TNNI3K: variants seen among roughly 807,000 people sequenced by gnomAD.
The protein encoded by TNNI3K is serine/threonine-protein kinase TNNI3K.
In TNNI3K, 140 loss-of-function variants were observed where a neutral mutation model predicts 114.5. That is an observed-to-expected ratio of 1.22 (90% CI 1.07 to 1.41). The LOEUF (loss-of-function observed/expected upper bound fraction) is 1.41. Among genes scored for constraint, TNNI3K ranks in the 40% most tolerant of loss-of-function variants. The pLI, the probability that TNNI3K is intolerant of heterozygous loss-of-function variation, is 0.00. For synonymous variants in TNNI3K, 347 were observed against 347.5 expected, an observed-to-expected ratio of 1.00 and a Z score of 0.02; for missense variants, 1,125 against 1,007.6, an observed-to-expected ratio of 1.12 and a Z score of -1.58.
intron 7 of TNNI3K, among the ~76,000 whole-genome samples, chr1:74,340,648 G>T (rs573310488): frequency 6.6e-6 from 1 of 152,180 alleles, no homozygotes; most frequent in Non-Finnish European, 1.5e-5. Flanking sequence ...GGGATACTGG[G>T]TGGGGCCAAG....
intron 23 of TNNI3K, among the ~76,000 whole-genome samples, chr1:74,496,093 CCAT>C (rs1331072868): frequency 1.3e-5 from 2 of 152,148 alleles, no homozygotes; most frequent in Admixed American, 1.3e-4. Flanking sequence ...AAACCAAAAC[CCAT>C]GGGGTTGGCA....
intron 5 of TNNI3K, among the ~76,000 whole-genome samples, chr1:74,301,087 C>G (rs1393421666): frequency 6.6e-6 from 1 of 152,020 alleles, no homozygotes; most frequent in East Asian, 1.9e-4. Flanking sequence ...ACACATATTT[C>G]TCTCTTATAT....
intron 21 of TNNI3K, among the ~76,000 whole-genome samples, chr1:74,483,913 T>C (rs1188304128): frequency 1.3e-5 from 2 of 152,220 alleles, no homozygotes; most frequent in African/African-American, 4.8e-5. Context: ...GTGAGTATGA[T>C]GTCAAGATTA....
At chr1:74,448,260 T>TAAAAAAAAAA (rs71588834) in intron 20 of TNNI3K, among the ~76,000 whole-genome samples, 12 of 89,100 alleles carry the variant, frequency 1.3e-4, no homozygotes, top group African/African-American at 2.0e-4. Context: ...TAGAGTATAA[T>TAAAAAAAAAA]AAAAAAAAAA....
chr1:74,260,979 G>A (rs1179188301), intron 4 of TNNI3K, among the ~76,000 whole-genome samples: 1 of 151,886 alleles, frequency 6.6e-6, no homozygotes, highest in South Asian at 2.1e-4. Flanking sequence ...ATTTCAAATA[G>A]CCTTTTTGAT....
chr1:74,396,702 C>T (rs1167265115), intron 17 of TNNI3K, among the ~76,000 whole-genome samples: 1 of 152,110 alleles, frequency 6.6e-6, no homozygotes, highest in African/African-American at 2.4e-5. Context: ...AATACAAGTC[C>T]TTAGGGAGCT....
chr1:74,489,989 C>A (rs1473963069), intron 22 of TNNI3K, among the ~76,000 whole-genome samples: 1 of 140,338 alleles, frequency 7.1e-6, no homozygotes, highest in Admixed American at 7.8e-5. Flanking sequence ...ATAGCATCAA[C>A]CTGAGATTGC....
intron 11 of TNNI3K, among the ~76,000 whole-genome samples, chr1:74,355,178 A>G (rs2091459): frequency 1 from 151,933 of 152,342 alleles, 75,764 homozygotes; most frequent in Middle Eastern, 1. Flanking sequence ...GTCTTTTTAC[A>G]ATATTAAAAA....
intron 23 of TNNI3K, among the ~76,000 whole-genome samples, chr1:74,505,720 C>G (rs1262243822): frequency 1.3e-5 from 2 of 152,086 alleles, no homozygotes; most frequent in African/African-American, 4.8e-5. Flanking sequence ...CTCCTTGGAA[C>G]CTATGAGATG....
chr1:74,401,872 T>C (rs1404980438), intron 17 of TNNI3K: 2 of 454,800 alleles, frequency 4.4e-6, no homozygotes, highest in Non-Finnish European at 8.8e-6. Context: ...GGATCACCCA[T>C]AGTATTTGCA....
At chr1:74,320,230 T>C (rs1438945269) in intron 5 of TNNI3K, among the ~76,000 whole-genome samples, 1 of 152,188 alleles carries the variant, frequency 6.6e-6, no homozygotes, top group Non-Finnish European at 1.5e-5. Context: ...TCCTTCCCAA[T>C]AATAGGTTTC....
At chr1:74,353,429 G>C (rs1661488388) in intron 10 of TNNI3K, 69 bp downstream of exon 10, 4 of 1,551,336 alleles carry the variant, frequency 2.6e-6, no homozygotes, top group African/African-American at 1.4e-5. Context: ...GGTATGCAAA[G>C]GGATGTGGGG....
At chr1:74,375,518 A>G (rs1342724773) in intron 17 of TNNI3K, 1 of 452,442 alleles carries the variant, frequency 2.2e-6, no homozygotes, top group Non-Finnish European at 4.4e-6. Flanking sequence ...TTCTGGGGAT[A>G]AATCACTATT....
chr1:74,286,130 T>C (rs1226755056), intron 5 of TNNI3K, among the ~76,000 whole-genome samples: 1 of 152,170 alleles, frequency 6.6e-6, no homozygotes, highest in Non-Finnish European at 1.5e-5. Flanking sequence ...ATGTCACCCT[T>C]TCCTAAAGCC....
At chr1:74,309,121 C>A (rs539925098) in intron 5 of TNNI3K, among the ~76,000 whole-genome samples, 143 of 151,856 alleles carry the variant, frequency 9.4e-4, no homozygotes, top group Non-Finnish European at 1.6e-3. Flanking sequence ...GTAATCCCAG[C>A]ACTTTGGGAG....
At chr1:74,351,687 A>G (rs976427994) in intron 9 of TNNI3K, among the ~76,000 whole-genome samples, 1 of 151,806 alleles carries the variant, frequency 6.6e-6, no homozygotes, top group African/African-American at 2.4e-5. Flanking sequence ...GTTTTCTCTA[A>G]ACTTCTCTTC....
At chr1:74,267,283 G>C (rs549377147) in intron 4 of TNNI3K, among the ~76,000 whole-genome samples, 1 of 151,910 alleles carries the variant, frequency 6.6e-6, no homozygotes, top group South Asian at 2.1e-4. Context: ...CCATATTGCT[G>C]ACTCTTAAAA....
At chr1:74,361,089 CTG>C (rs1233760103) in intron 11 of TNNI3K, among the ~76,000 whole-genome samples, 1 of 152,088 alleles carries the variant, frequency 6.6e-6, no homozygotes, top group African/African-American at 2.4e-5. Context: ...TCTGTTGTCT[CTG>C]TAACTATTTC....
chr1:74,365,849 A>G (rs17095200), intron 11 of TNNI3K, among the ~76,000 whole-genome samples: 8,427 of 151,386 alleles, frequency 0.056, 784 homozygotes, highest in African/African-American at 0.19. Flanking sequence ...GAGATCCACC[A>G]GTCATGAATA....
Sources: allele counts gnomAD v4.1 joint callset (sites outside exome capture counted in the v4.1 genomes callset), GRCh38; gene constraint gnomAD v4.1.1; transcripts MANE v1.5; gene names NCBI Gene and HGNC (gene_info 2026-07-23, HGNC 2026-07-21).